The following SLC35F3 variants were observed in gnomAD, a reference collection of about 807,000 sequenced individuals.
SLC35F3 encodes the protein putative thiamine transporter SLC35F3.
Under a neutral mutation model 49.9 loss-of-function variants are expected in SLC35F3, and 25 were observed. That is an observed-to-expected ratio of 0.50 (90% CI 0.37 to 0.70). SLC35F3 has a LOEUF of 0.70. Ranked by LOEUF, SLC35F3 falls within the 30% of genes least tolerant of loss-of-function variation. SLC35F3 has a pLI of 0.00. For synonymous variants in SLC35F3, 275 were observed against 265.4 expected (o/e 1.04, Z -0.35); for missense variants, 525 against 639.8 (o/e 0.82, Z 1.94).
chr1:233,906,310 T>C (rs1320358007), intron 2 of SLC35F3, among the ~76,000 whole-genome samples: 1 of 152,156 alleles, frequency 6.6e-6, no homozygotes, highest in Non-Finnish European at 1.5e-5. Context: ...TAGGGATCAT[T>C]CTAGATAGTG....
rs1664627223 is a variant in SLC35F3 at position 234,066,830 on chromosome 1, C to CACA, written c.283+161072_283+161073insACA. Among the ~76,000 whole-genome samples the CACA allele has an allele frequency of 5.4e-3, 730 of 135,212 alleles. 11 individuals are homozygous for CACA. Among genetic ancestry groups the CACA allele is most frequent in the African/African-American group, 0.019 (668 of 35,098 alleles). The allele number at this position is 135,212 out of a possible 152,430, so 88.7% of individuals were successfully genotyped here. ...CTCTCTGTCTCTGTCCCTCTCTCTC[C>CACA]CACACACACACACACACACACACAC... is the stretch of plus-strand genomic sequence containing the variant. On this transcript the variant is annotated intron_variant, in intron 2 of 7. Transcript: ENST00000366618.
At chr1:234,184,137 T>A (rs74999958) in intron 2 of SLC35F3, among the ~76,000 whole-genome samples, 6,104 of 147,658 alleles carry the variant, frequency 0.041, 314 homozygotes, top group African/African-American at 0.12. Flanking sequence ...CACAGTTTTT[T>A]TAAAAAAAAA....
chr1:233,956,762 C>G (rs908794529), intron 2 of SLC35F3, among the ~76,000 whole-genome samples: 2 of 152,328 alleles, frequency 1.3e-5, no homozygotes, highest in Middle Eastern at 3.4e-3. Flanking sequence ...GGTCCTGCAG[C>G]CTCAAGCAGC....
chr1:233,962,291 T>A (rs1350248645), intron 2 of SLC35F3, among the ~76,000 whole-genome samples: 1 of 152,254 alleles, frequency 6.6e-6, no homozygotes, highest in Non-Finnish European at 1.5e-5. Flanking sequence ...AAGAATGTGA[T>A]CTGATTTTAA....
At chr1:234,212,464 C>T (rs546139168) in intron 2 of SLC35F3, 1 of 152,294 alleles carries the variant, frequency 6.6e-6, no homozygotes, top group East Asian at 1.9e-4. Flanking sequence ...AAGAGAATAA[C>T]GTACTGGTTA....
chr1:234,130,605 C>T (rs71529902), intron 2 of SLC35F3, among the ~76,000 whole-genome samples: 53,202 of 148,366 alleles, frequency 0.36, 12,213 homozygotes, highest in Non-Finnish European at 0.52. Context: ...CGTGCCACTG[C>T]ACTCCAGCCC....
intron 2 of SLC35F3, among the ~76,000 whole-genome samples, chr1:234,116,595 T>C (rs1267137374): frequency 6.6e-6 from 1 of 151,508 alleles, no homozygotes; most frequent in Admixed American, 6.6e-5. Flanking sequence ...CACTGCAACC[T>C]CCGTCTCCCA....
At chr1:234,021,618 A>G (rs541466866) in intron 2 of SLC35F3, among the ~76,000 whole-genome samples, 1 of 152,344 alleles carries the variant, frequency 6.6e-6, no homozygotes, top group East Asian at 1.9e-4. Context: ...CCAAAGGCAG[A>G]CAGCCAATGT....
rs186413137 is a variant in SLC35F3, at chr1:234,115,556, A to G, written c.284-115861A>G. Among the ~76,000 whole-genome samples, 252 of 152,282 alleles carry G rather than the reference A, an allele frequency of 1.7e-3. 1 individual carries two copies. Among genetic ancestry groups the G allele is most frequent in the Admixed American group, 4.8e-3 (74 of 15,298 alleles). On this transcript the variant is annotated intron_variant, in intron 2 of 7. Coordinates refer to ENST00000366618, the MANE Select transcript of SLC35F3 (RefSeq NM_173508.4). ...TAGGAATAAAGTAAACCTAAGATCT[A>G]CTCACTATCCCCACTTAACATGTTC... is the stretch of plus-strand genomic sequence containing the variant.
rs536856948 is a variant in SLC35F3, at chr1:234,191,172, T to C, written c.284-40245T>C. The stretch of plus-strand genomic sequence containing the variant: ...TCCAACACATCAGCACATGGAATTT[T>C]CTCTAAGATAGACCATATGATTGCC... On this transcript the variant is annotated intron_variant, in intron 2 of 7. Transcript: ENST00000366618. 2.6e-5 allele frequency among the ~76,000 whole-genome samples: 4 copies of C among 152,300 alleles called. No individual in the cohort carries two copies. The East Asian group carries it at 7.7e-4, about 29-fold the overall frequency.
chr1:234,312,668 T>G (rs1481199117), intron 4 of SLC35F3, among the ~76,000 whole-genome samples: 1 of 152,084 alleles, frequency 6.6e-6, no homozygotes, highest in East Asian at 1.9e-4. Flanking sequence ...CCAGTAATCC[T>G]TGAGTCAATG....
intron 2 of SLC35F3, among the ~76,000 whole-genome samples, chr1:234,155,332 C>T (rs996194344): frequency 1.3e-5 from 2 of 151,858 alleles, no homozygotes; most frequent in East Asian, 1.9e-4. Flanking sequence ...GTTTCTTAGC[C>T]CCTTCTTTTA....
At chr1:234,081,476 G>A (rs1168469218) in intron 2 of SLC35F3, among the ~76,000 whole-genome samples, 3 of 152,188 alleles carry the variant, frequency 2.0e-5, no homozygotes, top group African/African-American at 4.8e-5. Context: ...GGACCTGGGG[G>A]AGGGGCTACG....
chr1:234,176,267 G>C (rs540480014), intron 2 of SLC35F3, among the ~76,000 whole-genome samples: 1 of 152,160 alleles, frequency 6.6e-6, no homozygotes, highest in Non-Finnish European at 1.5e-5. Context: ...CAGCAGTTGC[G>C]GATGGCTAGA....
chr1:234,060,245 G>A (rs959966678), intron 2 of SLC35F3, among the ~76,000 whole-genome samples: 1 of 152,026 alleles, frequency 6.6e-6, no homozygotes, highest in African/African-American at 2.4e-5. Flanking sequence ...ATGTCTGTTA[G>A]GTCTAGCTGA....
chr1:234,108,005 C>T (rs1412695614), intron 2 of SLC35F3, among the ~76,000 whole-genome samples: 4 of 151,278 alleles, frequency 2.6e-5, no homozygotes, highest in Non-Finnish European at 5.9e-5. Context: ...TATTTGTCTT[C>T]CAAGTATGAA....
intron 2 of SLC35F3, among the ~76,000 whole-genome samples, chr1:234,044,457 G>A (rs1053747183): frequency 2.0e-5 from 3 of 152,148 alleles, no homozygotes; most frequent in Non-Finnish European, 4.4e-5. Flanking sequence ...AATAAATGGA[G>A]CTAGGTGGAA....
At chr1:234,176,266 C>CGGCGCCCCCTCGTCGTGG in intron 2 of SLC35F3, among the ~76,000 whole-genome samples, 1 of 152,268 alleles carries the variant, frequency 6.6e-6, no homozygotes, top group South Asian at 2.1e-4. Flanking sequence ...ACAGCAGTTG[C>CGGCGCCCCCTCGTCGTGG]GGATGGCTAG....
intron 2 of SLC35F3, among the ~76,000 whole-genome samples, chr1:233,932,091 A>G (rs970807588): frequency 2.6e-5 from 4 of 152,094 alleles, no homozygotes; most frequent in African/African-American, 9.7e-5. Flanking sequence ...GAGTGGAACA[A>G]TGAGAACACA....
Sources: gnomAD v4.1 joint callset for allele counts (sites outside exome capture counted in the v4.1 genomes callset) on GRCh38, gnomAD v4.1.1 for gene constraint, MANE v1.5 for transcripts, NCBI Gene and HGNC (gene_info 2026-07-23, HGNC 2026-07-21) for gene names.